The following DNAJC12 variants were observed in gnomAD, a reference collection of about 807,000 sequenced individuals.
The protein encoded by DNAJC12 is dnaJ homolog subfamily C member 12.
In DNAJC12, 25 loss-of-function variants were observed where a neutral mutation model predicts 28.5. That is an observed-to-expected ratio of 0.88 (90% CI 0.64 to 1.22). The LOEUF is 1.22. DNAJC12 is among the 50% of genes most tolerant of loss of function. DNAJC12 has a pLI of 0.00. For missense variants in DNAJC12, 222 were observed against 231.7 expected (o/e 0.96, Z 0.27); for synonymous variants, 77 against 80.6 (o/e 0.95, Z 0.24).
chr10:67,799,948 A>G (rs1213378765), intron 4 of DNAJC12, among the ~76,000 whole-genome samples: 1 of 151,142 alleles, frequency 6.6e-6, no homozygotes, highest in African/African-American at 2.4e-5. Flanking sequence ...AACTTGAAAC[A>G]GGTTGGGCAC....
At chr10:67,829,919 TATA>T (rs1456321837) in intron 1 of DNAJC12, among the ~76,000 whole-genome samples, 2 of 152,010 alleles carry the variant, frequency 1.3e-5, no homozygotes, top group Non-Finnish European at 2.9e-5. Context: ...TTATACTGCA[TATA>T]ATAATATGTA....
chr10:67,808,125 A>C (rs1841821554), intron 3 of DNAJC12, among the ~76,000 whole-genome samples: 1 of 152,220 alleles, frequency 6.6e-6, no homozygotes, highest in African/African-American at 2.4e-5. Flanking sequence ...CAAGGGTATT[A>C]GTTGCACAGA....
At chr10:67,812,129 C>A (rs1213013058) in intron 2 of DNAJC12, among the ~76,000 whole-genome samples, 1 of 151,962 alleles carries the variant, frequency 6.6e-6, no homozygotes, top group African/African-American at 2.4e-5. Flanking sequence ...ATGACTGAGG[C>A]ACAATACAGG....
At chr10:67,814,460 C>A (rs1841894370) in intron 2 of DNAJC12, among the ~76,000 whole-genome samples, 1 of 151,066 alleles carries the variant, frequency 6.6e-6, no homozygotes, top group African/African-American at 2.4e-5. Context: ...TAGGCAAGAG[C>A]TCCTTAGATA....
rs559374751 is a variant in DNAJC12 at position 67,830,963 on chromosome 10, C to T, written c.78+6971G>A. On this transcript the variant is annotated intron_variant, in intron 1 of 4. Coordinates refer to ENST00000225171, the MANE Select transcript of DNAJC12 (RefSeq NM_021800.3). ...CAGCACTTTGGGAGGCCAAGGTGGG[C>T]GGATCACGAGGTCAGGAATTGGAGA... 2.5e-3 allele frequency among the ~76,000 whole-genome samples: 382 copies of T among 152,178 alleles called. 1 individual carries two copies. The highest frequency in any genetic ancestry group is 8.7e-3 in the African/African-American group (362 of 41,530).
chr10:67,829,953 T>C (rs1427454076), intron 1 of DNAJC12, among the ~76,000 whole-genome samples: 1 of 151,976 alleles, frequency 6.6e-6, no homozygotes, highest in Non-Finnish European at 1.5e-5. Context: ...GCAATTTAAA[T>C]CCATGTCTTA....
At chr10:67,817,575 A>T (rs1374903711) in intron 2 of DNAJC12, among the ~76,000 whole-genome samples, 1 of 152,170 alleles carries the variant, frequency 6.6e-6, no homozygotes, top group Non-Finnish European at 1.5e-5. Flanking sequence ...TATCCAAGTG[A>T]ATTTTTAAAG....
chr10:67,808,584 C>T (rs1188862023), intron 3 of DNAJC12: 1 of 152,008 alleles, frequency 6.6e-6, no homozygotes, highest in Non-Finnish European at 1.5e-5. Context: ...ACAACAGGCA[C>T]GTTCGCGAAG....
chr10:67,814,919 T>C (rs548191948), intron 2 of DNAJC12, among the ~76,000 whole-genome samples: 3 of 152,340 alleles, frequency 2.0e-5, no homozygotes, highest in Admixed American at 6.5e-5. Context: ...AAGTGGTATA[T>C]AGTCACTTTG....
intron 1 of DNAJC12, among the ~76,000 whole-genome samples, chr10:67,823,792 T>C (rs1842003879): frequency 6.6e-6 from 1 of 152,212 alleles, no homozygotes; most frequent in Non-Finnish European, 1.5e-5. Context: ...CCAACTTTTT[T>C]TGATCCTTAT....
At chr10:67,800,079 C>T (rs1202444987) in intron 4 of DNAJC12, among the ~76,000 whole-genome samples, 1 of 151,036 alleles carries the variant, frequency 6.6e-6, no homozygotes, top group Non-Finnish European at 1.5e-5. Flanking sequence ...AAAAATTAGC[C>T]GGATGTGGTG....
chr10:67,808,306 T>C (rs1324284918), intron 3 of DNAJC12, among the ~76,000 whole-genome samples: 1 of 152,160 alleles, frequency 6.6e-6, no homozygotes, highest in African/African-American at 2.4e-5. Flanking sequence ...AATCTATATA[T>C]GCATGGAAGG....
At chr10:67,832,221 C>A (rs902541869) in intron 1 of DNAJC12, among the ~76,000 whole-genome samples, 5 of 147,494 alleles carry the variant, frequency 3.4e-5, no homozygotes, top group African/African-American at 1.0e-4. Context: ...GCCCAGATTG[C>A]GTCATTGCAC....
At chr10:67,808,031 C>T (rs368566241) in intron 3 of DNAJC12, among the ~76,000 whole-genome samples, 1 of 152,350 alleles carries the variant, frequency 6.6e-6, no homozygotes, top group East Asian at 1.9e-4. Flanking sequence ...CAGAGTGATG[C>T]TAAGCAGCCT....
At chr10:67,832,612 C>T (rs1193808529) in intron 1 of DNAJC12, among the ~76,000 whole-genome samples, 5 of 152,008 alleles carry the variant, frequency 3.3e-5, no homozygotes, top group African/African-American at 9.7e-5. Context: ...TGAAGAATTT[C>T]CTTACTGTAG....
intron 1 of DNAJC12, 82 bp downstream of exon 1, chr10:67,837,852 A>C: frequency 9.2e-7 from 1 of 1,092,796 alleles, no homozygotes; most frequent in Non-Finnish European, 1.3e-6. Context: ...TAAAAATTCA[A>C]AGTTAAAACC....
chr10:67,801,395 C>G (rs879259479), intron 4 of DNAJC12, among the ~76,000 whole-genome samples: 2 of 152,148 alleles, frequency 1.3e-5, no homozygotes, highest in Non-Finnish European at 2.9e-5. Context: ...CTTTAAGGCA[C>G]TAGTCAGAAA....
At chr10:67,818,535 A>G (rs1212449153) in intron 2 of DNAJC12, among the ~76,000 whole-genome samples, 1 of 152,226 alleles carries the variant, frequency 6.6e-6, no homozygotes. Context: ...TTCATCATGT[A>G]TCCTGAATAA....
chr10:67,811,771 T>C, intron 2 of DNAJC12, 108 bp from the exon 3 acceptor site: 1 of 1,493,494 alleles, frequency 6.7e-7, no homozygotes, highest in Non-Finnish European at 8.9e-7. Context: ...TTAATAGCTA[T>C]GTGACCTTGG....
Sources: allele counts gnomAD v4.1 joint callset (sites outside exome capture counted in the v4.1 genomes callset), GRCh38; gene constraint gnomAD v4.1.1; transcripts MANE v1.5; gene names NCBI Gene and HGNC (gene_info 2026-07-23, HGNC 2026-07-21).